Variants in ADGRL1 observed in about 807,000 individuals in gnomAD.
ADGRL1 encodes adhesion G protein-coupled receptor L1, also known as CIRL-1.
ADGRL1 carries 31 observed loss-of-function variants against 148.9 expected under a neutral mutation model. The observed-to-expected ratio is 0.21, with a 90% CI of 0.16 to 0.28. ADGRL1 has a LOEUF of 0.28. Among genes scored for constraint, ADGRL1 ranks in the 10% least tolerant of loss-of-function variants. The pLI, the probability that ADGRL1 is intolerant of heterozygous loss-of-function variation, is 1.00. For synonymous variants in ADGRL1, 937 were observed against 900.3 expected, an observed-to-expected ratio of 1.04 and a Z score of -0.73; for missense variants, 1,521 against 2,058.8, an observed-to-expected ratio of 0.74 and a Z score of 5.05.
In ADGRL1 at chr19:14,170,591, T is replaced by G; in HGVS notation, c.394+91A>C. 3 of 733,630 alleles carry G rather than the reference T, an allele frequency of 4.1e-6. No individual in the cohort carries two copies. In the East Asian group the frequency reaches 8.2e-5, roughly 20 times the overall value. 45.4% of individuals were successfully genotyped at this position (733,630 alleles called of 1,614,324 possible). ...CCCCACTGTGCCCAGGCCCCATGCA[T>G]GTGTGCACATGTGTGATGGGTCAAG... is the stretch of plus-strand genomic sequence containing the variant. On this transcript the variant is annotated intron_variant, in intron 4 of 22. Coordinates refer to ENST00000361434, the MANE Select transcript of ADGRL1 (RefSeq NM_014921.5).
intron 2 of ADGRL1, among the ~76,000 whole-genome samples, chr19:14,182,571 C>A (rs567954780): frequency 3.9e-5 from 6 of 152,246 alleles, no homozygotes; most frequent in African/African-American, 1.4e-4. Context: ...TGAGTTGAGT[C>A]CCAGCGGGGG....
At chr19:14,181,178 G>A (rs1640264309) in intron 2 of ADGRL1, among the ~76,000 whole-genome samples, 1 of 152,282 alleles carries the variant, frequency 6.6e-6, no homozygotes. Context: ...TGTCAGAAGT[G>A]AGGCTTGGCT....
chr19:14,181,485 G>A (rs549439497), intron 2 of ADGRL1, among the ~76,000 whole-genome samples: 4 of 152,158 alleles, frequency 2.6e-5, no homozygotes, highest in Admixed American at 6.5e-5. Flanking sequence ...TTGGAAGGCC[G>A]AGGTGGGTGG....
chr19:14,163,141 G>A lies in ADGRL1; in HGVS notation c.660C>T (p.Tyr220=), dbSNP rs753723762. The A allele has an allele frequency of 2.5e-6, 4 of 1,613,908 alleles. No homozygotes were observed. In the African/African-American group the frequency reaches 4.0e-5, roughly 16 times the overall value. ...GFVVYDGAVF[Y]NKERTRNIVK... ...CGATGTTGCGCGTGCGCTCCTTGTTGTAGAAGACGGCACCATCGTAGACCA... is the reference window on the plus strand; with the variant it reads ...CGATGTTGCGCGTGCGCTCCTTGTTATAGAAGACGGCACCATCGTAGACCA... The change falls in exon 5 of 23, where the codon TAC becomes TAT. Residue 220 remains tyrosine, a synonymous_variant. Coordinates refer to ENST00000361434, the MANE Select transcript of ADGRL1 (RefSeq NM_014921.5).
rs561367371 is a variant in ADGRL1, at chr19:14,194,485, C to G, written c.-95-10788G>C. Among the ~76,000 whole-genome samples, 7 of 152,332 alleles carry G rather than the reference C, an allele frequency of 4.6e-5. No homozygotes were observed. In the South Asian group the frequency reaches 1.4e-3, roughly 32 times the overall value. On this transcript the variant is annotated intron_variant, in intron 1 of 22. Transcript: ENST00000361434. Reference sequence around the variant, plus strand: ...AGTGACGGACAGCTCCAAGTGCCAGCCCGAGCAGCTTCCACGTGTAACTCA... The same window carrying G: ...AGTGACGGACAGCTCCAAGTGCCAGGCCGAGCAGCTTCCACGTGTAACTCA...
chr19:14,186,465 C>T (rs970347022), intron 1 of ADGRL1, among the ~76,000 whole-genome samples: 22 of 152,248 alleles, frequency 1.4e-4, no homozygotes, highest in African/African-American at 3.6e-4. Context: ...GATTCCTCAC[C>T]TTCCCTGTCA....
At chr19:14,193,717 C>T (rs563837195) in intron 1 of ADGRL1, among the ~76,000 whole-genome samples, 7 of 152,234 alleles carry the variant, frequency 4.6e-5, no homozygotes, top group Non-Finnish European at 1.0e-4. Context: ...AATCCAACAA[C>T]TGACGCCCTT....
chr19:14,180,507 G>A (rs1156812482), intron 2 of ADGRL1, among the ~76,000 whole-genome samples: 1 of 151,182 alleles, frequency 6.6e-6, no homozygotes, highest in Non-Finnish European at 1.5e-5. Flanking sequence ...CCGCCCGCCT[G>A]AGCCTCCCAA....
Position 14,156,670 on chromosome 19 carries a change from G to C in ADGRL1, c.3021C>G (p.Ser1007=), listed in dbSNP as rs1414302687. The C allele has an allele frequency of 1.2e-5, 20 of 1,611,484 alleles. No homozygotes were observed. Among genetic ancestry groups the C allele is most frequent in the Non-Finnish European group, 1.6e-5 (19 of 1,179,114 alleles). ...CCTCCCAACTCACCACGATAACGAAGGAGACTGGCCCGATGAAACTCCAGA... is the reference window on the plus strand; with the variant it reads ...CCTCCCAACTCACCACGATAACGAACGAGACTGGCCCGATGAAACTCCAGA... ...YFIWSFIGPV[S]FVIVVNLVFL... is the part of the protein sequence containing the mutation. Residue 1007 remains serine, a synonymous_variant, in exon 16 of 23, where the codon TCC becomes TCG. Transcript: ENST00000361434.
At chr19:14,198,157 G>C (rs1216125265) in intron 1 of ADGRL1, among the ~76,000 whole-genome samples, 1 of 152,020 alleles carries the variant, frequency 6.6e-6, no homozygotes, top group South Asian at 2.1e-4. Flanking sequence ...AGTGGAAGGA[G>C]GTGAGGGCGG....
chr19:14,159,718 G>T lies in ADGRL1; in HGVS notation c.1839+17C>A. 6.2e-7 allele frequency: 1 copy of T among 1,613,202 alleles called. No homozygotes were observed. The highest frequency in any genetic ancestry group is 8.5e-7 in the Non-Finnish European group (1 of 1,179,332). On this transcript the variant is annotated intron_variant, in intron 9 of 22. Transcript: ENST00000361434. This position sits in a 1 kb window ranked among gnomAD's most constrained non-coding sequence, Gnocchi z 6.0. ...CTGGAGCCCACGGTCCTTACACTGG[G>T]ACCCCCTGGGTCTCACCTTGATATA... is the stretch of plus-strand genomic sequence containing the variant.
chr19:14,183,015 C>A (rs1477385079), intron 2 of ADGRL1, among the ~76,000 whole-genome samples: 3 of 152,104 alleles, frequency 2.0e-5, no homozygotes, highest in Admixed American at 1.3e-4. Flanking sequence ...GGTCACGGGG[C>A]CAGTAATCGA....
Position 14,156,627 on chromosome 19 carries a change from G to A in ADGRL1, c.3033+31C>T, listed in dbSNP as rs1474633342. 1.9e-6 allele frequency: 3 copies of A among 1,589,648 alleles called. No individual in the cohort carries two copies. The African/African-American group carries it at 4.0e-5, about 21-fold the overall frequency. ...AAGGCCAGCCTGGATGAAGGAAGAT[G>A]TGGTGCTAGGGGTGTCACCTCCCAA... On this transcript the variant is annotated intron_variant, in intron 16 of 22. Transcript: ENST00000361434.
intron 2 of ADGRL1, among the ~76,000 whole-genome samples, chr19:14,177,949 G>A (rs1222664366): frequency 6.6e-6 from 1 of 152,166 alleles, no homozygotes; most frequent in Non-Finnish European, 1.5e-5. Context: ...AGAGTGCCTG[G>A]ACTCTCAGCT....
chr19:14,184,422 T>A (rs1467883500), intron 1 of ADGRL1, among the ~76,000 whole-genome samples: 1 of 151,290 alleles, frequency 6.6e-6, no homozygotes, highest in African/African-American at 2.4e-5. Context: ...CAGTTTTTTT[T>A]TTCATTATTA....
intron 4 of ADGRL1, 154 bp downstream of exon 4, chr19:14,170,528 A>C: frequency 1.7e-6 from 1 of 574,128 alleles, no homozygotes; most frequent in Non-Finnish European, 3.2e-6. Flanking sequence ...GGTGTCTGGG[A>C]TTAGAGAATG....
chr19:14,151,376 G>A lies in ADGRL1; in HGVS notation c.3907C>T (p.Pro1303Ser). The A allele has an allele frequency of 6.2e-7, 1 of 1,602,730 alleles. No homozygotes were observed. The part of the protein sequence containing the change: ...SAAKGPPPPE[P>S]PVPPVPGGGG... Reference sequence around the variant, plus strand: ...CCCCCTGGCACAGGTGGCACAGGGGGCTCAGGCGGTGGAGGGCCCTTGGCC... The same window carrying A: ...CCCCCTGGCACAGGTGGCACAGGGGACTCAGGCGGTGGAGGGCCCTTGGCC... The change falls in exon 23 of 23, where the codon CCC (proline) becomes TCC (serine). Residue 1303 changes from proline (P) to serine (S), a missense_variant. Physicochemically the swap from Pro to Ser is moderately conservative, Grantham distance 74. Transcript: ENST00000361434.
intron 3 of ADGRL1, chr19:14,171,005 G>C: frequency 1.9e-6 from 1 of 516,252 alleles, no homozygotes; most frequent in Non-Finnish European, 3.5e-6. Flanking sequence ...CTGGTGGGAG[G>C]TGATTGGATC....
chr19:14,180,892 G>A (rs12611046), intron 2 of ADGRL1, among the ~76,000 whole-genome samples: 23,984 of 151,718 alleles, frequency 0.16, 1,927 homozygotes, highest in South Asian at 0.25. Context: ...AATAAACTGT[G>A]AGCAAATTAG....
Sources: gnomAD v4.1 joint callset for allele counts (sites outside exome capture counted in the v4.1 genomes callset) on GRCh38, gnomAD v4.1.1 for gene constraint, Gnocchi (gnomAD v3.1) non-coding constraint, MANE v1.5 for transcripts, NCBI Gene and HGNC (gene_info 2026-07-23, HGNC 2026-07-21) for gene names.